IMPG1: variants seen among roughly 807,000 people sequenced by gnomAD.
IMPG1 encodes the protein interphotoreceptor matrix proteoglycan 1, also known as interphotoreceptor matrix proteoglycan of 150 kDa.
IMPG1 carries 85 observed loss-of-function variants against 92.0 expected under a neutral mutation model. The ratio of observed to expected loss-of-function variants is 0.92; its 90% CI spans 0.78 to 1.11. IMPG1 has a LOEUF of 1.11. IMPG1 is among the 50% of genes least tolerant of loss of function. The pLI, the probability that IMPG1 is intolerant of heterozygous loss-of-function variation, is 0.00. For missense variants in IMPG1, 1,022 were observed against 956.0 expected (o/e 1.07, Z -0.91); for synonymous variants, 367 against 334.1 (o/e 1.10, Z -1.08).
intron 13 of IMPG1, 30 bp from the exon 14 acceptor site, chr6:75,947,563 CTG>C (rs770205977): frequency 1.3e-6 from 2 of 1,531,698 alleles, no homozygotes; most frequent in African/African-American, 1.4e-5. Flanking sequence ...TTCCTCTTAA[CTG>C]TGTTCTAAGT....
At chr6:76,058,595 G>A (rs886824410) in intron 1 of IMPG1, among the ~76,000 whole-genome samples, 1 of 152,178 alleles carries the variant, frequency 6.6e-6, no homozygotes, top group Admixed American at 6.6e-5. Flanking sequence ...ATGAAGTTCT[G>A]TGCAAGCCTT....
intron 1 of IMPG1, among the ~76,000 whole-genome samples, chr6:76,043,821 T>C (rs965667857): frequency 1.3e-5 from 2 of 152,196 alleles, no homozygotes; most frequent in African/African-American, 4.8e-5. Context: ...ACTTGTCTGG[T>C]TCTGTCCCTT....
intron 1 of IMPG1, among the ~76,000 whole-genome samples, chr6:76,064,194 A>G (rs1455902569): frequency 6.8e-6 from 1 of 147,932 alleles, no homozygotes; most frequent in African/African-American, 2.4e-5. Context: ...GGCTATTGGG[A>G]ATTACTGCAT....
At chr6:76,058,374 A>AGTG (rs1411437776) in intron 1 of IMPG1, among the ~76,000 whole-genome samples, 4 of 152,298 alleles carry the variant, frequency 2.6e-5, no homozygotes, top group Admixed American at 1.3e-4. Flanking sequence ...TAATAGTAAC[A>AGTG]GTGGTAGTTG....
At chr6:76,015,800 C>CAAAAAAAAAAAAAAAAAAAA (rs35389302) in intron 7 of IMPG1, among the ~76,000 whole-genome samples, 3 of 66,742 alleles carry the variant, frequency 4.5e-5, no homozygotes, top group Non-Finnish European at 5.3e-5. Flanking sequence ...AACTCTGTCT[C>CAAAAAAAAAAAAAAAAAAAA]AAAAAAAAAA....
chr6:75,969,421 T>C (rs1782364809), intron 12 of IMPG1, among the ~76,000 whole-genome samples: 1 of 152,120 alleles, frequency 6.6e-6, no homozygotes, highest in South Asian at 2.1e-4. Context: ...GTATGTGATA[T>C]ATATAATTTT....
intron 12 of IMPG1, among the ~76,000 whole-genome samples, chr6:75,977,455 T>C (rs1463522575): frequency 2.0e-5 from 3 of 151,522 alleles, no homozygotes; most frequent in Non-Finnish European, 4.4e-5. Context: ...GGCCTGGTGG[T>C]GCACACCTGT....
chr6:76,002,885 C>A, intron 12 of IMPG1, 33 bp downstream of exon 12: 1 of 1,495,996 alleles, frequency 6.7e-7, no homozygotes, highest in South Asian at 1.1e-5. Flanking sequence ...CATATGTTGT[C>A]ATCTAACATA....
At chr6:75,937,468 TG>T (rs1554227441) in intron 14 of IMPG1, among the ~76,000 whole-genome samples, 2 of 150,744 alleles carry the variant, frequency 1.3e-5, no homozygotes, top group Admixed American at 1.3e-4. Context: ...GAGTTGAAGA[TG>T]GCACACAAAT....
chr6:75,929,830 T>C (rs1781633998), intron 15 of IMPG1, among the ~76,000 whole-genome samples: 1 of 152,130 alleles, frequency 6.6e-6, no homozygotes, highest in South Asian at 2.1e-4. Context: ...TTGTATGTGG[T>C]GTTAGGGGTC....
At chr6:76,046,687 T>A (rs1397009241) in intron 1 of IMPG1, among the ~76,000 whole-genome samples, 1 of 152,246 alleles carries the variant, frequency 6.6e-6, no homozygotes, top group South Asian at 2.1e-4. Context: ...ACCTATAAAA[T>A]GGGGAATAAT....
At position 75,974,392 on chromosome 6, in the gene IMPG1, T is replaced by TTTC. The variant is rs1554230326; in HGVS notation, c.1292-23299_1292-23298insGAA. 5.2e-3 allele frequency among the ~76,000 whole-genome samples: 308 copies of TTTC among 59,388 alleles called. 1 individual carries two copies. The highest frequency in any genetic ancestry group is 0.012 in the African/African-American group (183 of 15,636). The allele number at this position is 59,388 out of a possible 152,430, so 39.0% of individuals were successfully genotyped here. ...CTTTCTTTCTTTCTTTCTTTCTTTC[T>TTTC]TTTCTTTCTTTCCTTCCTTCCTTCC... On this transcript the variant is annotated intron_variant, in intron 12 of 16. Transcript: ENST00000369950.
chr6:76,042,595 C>G (rs1451659807), intron 1 of IMPG1, among the ~76,000 whole-genome samples: 2 of 152,068 alleles, frequency 1.3e-5, no homozygotes, highest in Non-Finnish European at 2.9e-5. Context: ...TTAGTGGTAG[C>G]CCTAGGAATT....
chr6:76,018,910 A>C, intron 6 of IMPG1, 52 bp from the exon 7 acceptor site: 4 of 1,481,466 alleles, frequency 2.7e-6, no homozygotes, highest in Non-Finnish European at 3.6e-6. Flanking sequence ...CCACAAATAA[A>C]TGGTTATTTT....
At chr6:75,928,595 T>C (rs904851231) in intron 15 of IMPG1, 20 of 152,208 alleles carry the variant, frequency 1.3e-4, no homozygotes, top group Admixed American at 1.2e-3. Flanking sequence ...TTTCTTTCCC[T>C]CTTCTTACTA....
chr6:75,978,499 T>A (rs1005110014), intron 12 of IMPG1, among the ~76,000 whole-genome samples: 1 of 152,192 alleles, frequency 6.6e-6, no homozygotes, highest in Non-Finnish European at 1.5e-5. Context: ...AGATGAAGCA[T>A]CTAAAGCTCA....
chr6:76,048,724 C>T (rs1783987435), intron 1 of IMPG1, among the ~76,000 whole-genome samples: 1 of 152,184 alleles, frequency 6.6e-6, no homozygotes, highest in South Asian at 2.1e-4. Context: ...CAGATACTAG[C>T]TCATTTTTCT....
intron 1 of IMPG1, among the ~76,000 whole-genome samples, chr6:76,069,117 T>C (rs1204194532): frequency 6.6e-6 from 1 of 151,998 alleles, no homozygotes; most frequent in African/African-American, 2.4e-5. Context: ...AAATATACAC[T>C]GGGGAAAGAA....
intron 1 of IMPG1, among the ~76,000 whole-genome samples, chr6:76,052,762 A>G (rs572395258): frequency 2.6e-5 from 4 of 152,370 alleles, no homozygotes; most frequent in Admixed American, 2.0e-4. Flanking sequence ...AGAGTAGGAT[A>G]TTTTTATAAG....
Sources: allele counts gnomAD v4.1 joint callset (sites outside exome capture counted in the v4.1 genomes callset), GRCh38; gene constraint gnomAD v4.1.1; transcripts MANE v1.5; gene names NCBI Gene and HGNC (gene_info 2026-07-23, HGNC 2026-07-21).